PTAR1: variants seen among roughly 807,000 people sequenced by gnomAD.
PTAR1 encodes protein prenyltransferase alpha subunit repeat-containing protein 1.
Under a neutral mutation model 45.5 loss-of-function variants are expected in PTAR1, and 17 were observed. The ratio of observed to expected loss-of-function variants is 0.37; its 90% CI spans 0.26 to 0.56. PTAR1 has a LOEUF of 0.56. Among genes scored for constraint, PTAR1 ranks in the 20% least tolerant of loss-of-function variants. The pLI is 0.77. For synonymous variants in PTAR1, 169 were observed against 171.3 expected (o/e 0.99, Z 0.11); for missense variants, 391 against 476.3 (o/e 0.82, Z 1.67).
intron 3 of PTAR1, among the ~76,000 whole-genome samples, chr9:69,735,619 G>GT (rs1293242891): frequency 6.6e-6 from 1 of 151,916 alleles, no homozygotes; most frequent in Non-Finnish European, 1.5e-5. Context: ...AATTTCTCAG[G>GT]TAAGTTTTTG....
chr9:69,725,304 T>C (rs1484114432), intron 5 of PTAR1, among the ~76,000 whole-genome samples: 1 of 152,122 alleles, frequency 6.6e-6, no homozygotes, highest in Non-Finnish European at 1.5e-5. Flanking sequence ...ATAAAAGATG[T>C]TCTGGCTGTG....
chr9:69,745,824 T>A (rs1001299003), intron 2 of PTAR1, among the ~76,000 whole-genome samples: 1 of 152,222 alleles, frequency 6.6e-6, no homozygotes, highest in Non-Finnish European at 1.5e-5. Context: ...GTCTCTGACA[T>A]ACAGTAAGGA....
chr9:69,750,168 T>A (rs1461116773), intron 2 of PTAR1, among the ~76,000 whole-genome samples: 1 of 151,626 alleles, frequency 6.6e-6, no homozygotes, highest in Non-Finnish European at 1.5e-5. Context: ...TTAGGGATTG[T>A]CTGATGCAGT....
chr9:69,741,364 T>C (rs1046307087), intron 3 of PTAR1, among the ~76,000 whole-genome samples: 3 of 152,134 alleles, frequency 2.0e-5, no homozygotes, highest in Non-Finnish European at 4.4e-5. Flanking sequence ...AATTCCATCC[T>C]TTCAGTTGCT....
At chr9:69,752,475 A>C (rs929853874) in intron 1 of PTAR1, among the ~76,000 whole-genome samples, 1 of 152,102 alleles carries the variant, frequency 6.6e-6, no homozygotes, top group African/African-American at 2.4e-5. Context: ...CTTTCAAGCT[A>C]ATTTAACTCT....
At chr9:69,738,903 G>C (rs1281866937) in intron 3 of PTAR1, among the ~76,000 whole-genome samples, 1 of 151,492 alleles carries the variant, frequency 6.6e-6, no homozygotes, top group African/African-American at 2.4e-5. Flanking sequence ...CGCCTCCCAG[G>C]TTCAAGCGAT....
At chr9:69,754,251 G>C (rs1826660784) in intron 1 of PTAR1, among the ~76,000 whole-genome samples, 1 of 152,042 alleles carries the variant, frequency 6.6e-6, no homozygotes, top group Non-Finnish European at 1.5e-5. Context: ...CATCTGATGA[G>C]GAAACTGAGG....
Position 69,750,814 on chromosome 9 carries a change from A to T in PTAR1, c.223T>A (p.Tyr75Asn). 1 of 1,611,410 alleles carries T rather than the reference A, an allele frequency of 6.2e-7. No homozygotes were observed. The highest frequency in any genetic ancestry group is 1.7e-5 in the Admixed American group (1 of 59,600). ...LPYVHNKLLL[Y>N]RTRKQWLNRD... is the part of the protein sequence containing the mutation. ...TTCAGCCATTGCTTTCTTGTTCTGT[A>T]CAAAAGGAGCTTGTTGTGGACATAT... is the stretch of plus-strand genomic sequence containing the variant. The change falls in exon 2 of 8, where the codon TAC becomes AAC. Residue 75 changes from tyrosine to asparagine, a missense_variant. Physicochemically the swap from Tyr to Asn is moderately radical, Grantham distance 143. This residue lies in a region of PTAR1 where 152 missense variants were observed against 160.0 expected (regional missense o/e 0.95). Coordinates refer to ENST00000340434, the MANE Select transcript of PTAR1 (RefSeq NM_001099666.2).
At chr9:69,759,803 C>T in intron 1 of PTAR1, 50 bp downstream of exon 1, 1 of 1,345,552 alleles carries the variant, frequency 7.4e-7, no homozygotes, top group Non-Finnish European at 1.0e-6. Flanking sequence ...TTGGCCCCGC[C>T]CCCGCCCGCT....
At chr9:69,725,477 C>T (rs1174767377) in intron 5 of PTAR1, among the ~76,000 whole-genome samples, 1 of 151,868 alleles carries the variant, frequency 6.6e-6, no homozygotes, top group African/African-American at 2.4e-5. Context: ...GTAGTCCCAG[C>T]TACTTGGGAG....
At position 69,714,452 on chromosome 9, in the gene PTAR1, G is replaced by A. The variant is rs1395948766; in HGVS notation, c.*3890C>T. 1.3e-5 allele frequency: 2 copies of A among 151,914 alleles called. No homozygotes were observed. Among genetic ancestry groups the A allele is most frequent in the African/African-American group, 4.8e-5 (2 of 41,382 alleles). 9.4% of individuals were successfully genotyped at this position (151,914 alleles called of 1,614,324 possible). On this transcript the variant is annotated 3_prime_UTR_variant, in exon 8 of 8. Transcript: ENST00000340434. ...CAGTAGGTGGTATCTGCCATCTTGTGCTATGTAAGAGAAAATTATTAAACT... is the reference window on the plus strand; with the variant it reads ...CAGTAGGTGGTATCTGCCATCTTGTACTATGTAAGAGAAAATTATTAAACT...
In PTAR1 at chr9:69,759,976, G is replaced by C. The variant is rs766128701; in HGVS notation, c.-38C>G. On this transcript the variant is annotated 5_prime_UTR_variant, in exon 1 of 8. Coordinates refer to ENST00000340434, the MANE Select transcript of PTAR1 (RefSeq NM_001099666.2). ...CGCGACAGTTCGGGCGCGCCTCCGC[G>C]TGAGCCGGGCCGCCGGCGGGAGTTC... is the stretch of plus-strand genomic sequence containing the variant. 2 of 1,429,552 alleles carry C rather than the reference G, an allele frequency of 1.4e-6. No homozygotes were observed. The highest frequency in any genetic ancestry group is 1.4e-5 in the South Asian group (1 of 70,992). 88.6% of individuals were successfully genotyped at this position (1,429,552 alleles called of 1,614,324 possible). A position where few individuals can be genotyped will look rare whatever the true frequency, so the allele number is the denominator to read the frequency against.
At chr9:69,758,939 T>A (rs1826939243) in intron 1 of PTAR1, among the ~76,000 whole-genome samples, 2 of 152,128 alleles carry the variant, frequency 1.3e-5, no homozygotes, top group South Asian at 4.1e-4. Context: ...TTCTTTTCTT[T>A]GAGGAGGAAG....
chr9:69,756,665 C>A (rs1826791641), intron 1 of PTAR1, among the ~76,000 whole-genome samples: 1 of 152,100 alleles, frequency 6.6e-6, no homozygotes, highest in African/African-American at 2.4e-5. Flanking sequence ...CAAATCCTAC[C>A]CAGACTTTAA....
Position 69,716,039 on chromosome 9 carries a change from G to C in PTAR1, c.*2303C>G, listed in dbSNP as rs1024572060. The C allele has an allele frequency of 6.6e-6, 1 of 152,190 alleles. No individual in the cohort carries two copies. The highest frequency in any genetic ancestry group is 1.9e-4 in the East Asian group (1 of 5,186). The allele number at this position is 152,190 out of a possible 1,614,324, so 9.4% of individuals were successfully genotyped here. A position where few individuals can be genotyped will look rare whatever the true frequency, so the allele number is the denominator to read the frequency against. On this transcript the variant is annotated 3_prime_UTR_variant, in exon 8 of 8. Coordinates refer to ENST00000340434, the MANE Select transcript of PTAR1 (RefSeq NM_001099666.2). ...AGATAATCAGTGGAAGGTACACAAA[G>C]GCATGGAGCACTATAAAACTTAGCT...
intron 3 of PTAR1, among the ~76,000 whole-genome samples, chr9:69,737,961 G>A (rs966277785): frequency 6.6e-6 from 1 of 152,030 alleles, no homozygotes; most frequent in African/African-American, 2.4e-5. Context: ...CAAAATTTAT[G>A]CAACAGTATT....
At chr9:69,747,936 AC>A (rs1009260753) in intron 2 of PTAR1, among the ~76,000 whole-genome samples, 6 of 152,146 alleles carry the variant, frequency 3.9e-5, no homozygotes, top group Non-Finnish European at 7.4e-5. Context: ...CTCTACGTTG[AC>A]CCTGTGGGTA....
chr9:69,737,063 A>G (rs1004114854), intron 3 of PTAR1, among the ~76,000 whole-genome samples: 17 of 151,658 alleles, frequency 1.1e-4, no homozygotes, highest in African/African-American at 4.1e-4. Context: ...TAACATTAAC[A>G]GCAATCACAT....
At chr9:69,732,900 AAT>A (rs1397523407) in intron 4 of PTAR1, among the ~76,000 whole-genome samples, 1 of 152,202 alleles carries the variant, frequency 6.6e-6, no homozygotes, top group Non-Finnish European at 1.5e-5. Context: ...AAGGTGTCAA[AAT>A]ATCCTTATCC....
Sources: gnomAD v4.1 joint callset for allele counts (sites outside exome capture counted in the v4.1 genomes callset) on GRCh38, gnomAD v4.1.1 for gene constraint, gnomAD v4.1.1 regional missense constraint, MANE v1.5 for transcripts, NCBI Gene and HGNC (gene_info 2026-07-23, HGNC 2026-07-21) for gene names.